Variants in GIT1 observed in about 807,000 individuals in gnomAD.
GIT1 encodes GIT ArfGAP 1, also known as ARF GTPase-activating protein GIT1.
GIT1 carries 14 observed loss-of-function variants against 91.7 expected under a neutral mutation model. The observed-to-expected ratio is 0.15, with a 90% CI of 0.10 to 0.24. The LOEUF (loss-of-function observed/expected upper bound fraction) is 0.24, where lower values mean the gene tolerates loss of function less well. Among genes scored for constraint, GIT1 ranks in the 10% least tolerant of loss-of-function variants. GIT1 has a pLI of 1.00. For missense variants in GIT1, 717 were observed against 1,024.9 expected, an observed-to-expected ratio of 0.70 and a Z score of 4.10; for synonymous variants, 414 against 418.2, an observed-to-expected ratio of 0.99 and a Z score of 0.12.
Position 29,576,893 on chromosome 17 carries a change from G to A in GIT1, c.1197C>T (p.Ser399=). 2 of 1,576,090 alleles carry A rather than the reference G, an allele frequency of 1.3e-6. No individual in the cohort carries two copies. The highest frequency in any genetic ancestry group is 1.7e-6 in the Non-Finnish European group (2 of 1,162,640). ...CCCGGTTGCTCCGAGTGGCGCCGGT[G>A]CTGCGCAGGGGCTCCTGGTCTGTGT... ...DEDTDQEPLR[S]TGATRSNRAR... is the part of the protein sequence containing the mutation. The change falls in exon 12 of 20, where the codon AGC becomes AGT. Residue 399 remains serine (S), a synonymous_variant. Coordinates refer to ENST00000225394, the MANE Select transcript of GIT1 (RefSeq NM_014030.4).
At chr17:29,579,007 A>C (rs767940805) in intron 7 of GIT1, 1 of 1,613,484 alleles carries the variant, frequency 6.2e-7, no homozygotes, top group South Asian at 1.1e-5. Context: ...AGAGGAAGGC[A>C]GCAGAGGGAA....
chr17:29,584,603 G>A (rs2033521046), intron 1 of GIT1, among the ~76,000 whole-genome samples: 1 of 152,332 alleles, frequency 6.6e-6, no homozygotes, highest in East Asian at 1.9e-4. Context: ...CCTGAGAGTG[G>A]GGGCAGGGCG....
chr17:29,575,398 T>C lies in GIT1; in HGVS notation c.1899A>G (p.Gly633=). The change falls in exon 18 of 20, where the codon GGA becomes GGG. Residue 633 remains glycine, a synonymous_variant. Coordinates refer to ENST00000225394, the MANE Select transcript of GIT1 (RefSeq NM_014030.4). The surrounding 1 kb of genome is among the most constrained non-coding windows in gnomAD (Gnocchi z 5.5). ...DFHPELESLD[G]DLDPGLPSTE... The stretch of plus-strand genomic sequence containing the variant: ...TGCTGGGAAGCCCAGGATCTAGGTC[T>C]CCATCCAGGCTTTCCAGCTCTGGGT... 6.2e-7 allele frequency: 1 copy of C among 1,613,558 alleles called. No homozygotes were observed. Among genetic ancestry groups the C allele is most frequent in the Non-Finnish European group, 8.5e-7 (1 of 1,179,692 alleles).
rs757272056 is a variant in GIT1 at position 29,589,386 on chromosome 17, G to C, written c.-8C>G. On this transcript the variant is annotated 5_prime_UTR_variant, in exon 1 of 20. Coordinates refer to ENST00000225394, the MANE Select transcript of GIT1 (RefSeq NM_014030.4). This position sits in a 1 kb window ranked among gnomAD's most constrained non-coding sequence, Gnocchi z 5.2. ...CGGCCCCTTTCGGGACATCCTCAGCGGCGACGCGGCCGCAGCCCTCTGGGC... is the reference window on the plus strand; with the variant it reads ...CGGCCCCTTTCGGGACATCCTCAGCCGCGACGCGGCCGCAGCCCTCTGGGC... The C allele has an allele frequency of 1.9e-6, 2 of 1,054,072 alleles. No homozygotes were observed. The highest frequency in any genetic ancestry group is 2.3e-6 in the Non-Finnish European group (2 of 866,982). 65.3% of individuals were successfully genotyped at this position (1,054,072 alleles called of 1,614,324 possible).
chr17:29,588,620 G>C (rs1011685131), intron 1 of GIT1, among the ~76,000 whole-genome samples: 17 of 152,126 alleles, frequency 1.1e-4, no homozygotes, highest in Non-Finnish European at 2.5e-4. Context: ...ACTTTCCCAA[G>C]CAGGCCTTAC....
intron 7 of GIT1, among the ~76,000 whole-genome samples, chr17:29,579,498 C>A (rs1400477093): frequency 6.6e-6 from 1 of 152,182 alleles, no homozygotes; most frequent in African/African-American, 2.4e-5. Flanking sequence ...GTAATCCTAG[C>A]ACTTTGGGAG....
chr17:29,589,330 G>T lies in GIT1; in HGVS notation c.49C>A (p.Pro17Thr). The change falls in exon 1 of 20, where the codon CCG becomes ACG. Residue 17 changes from proline to threonine, a missense_variant. By Grantham distance (38) the Pro-to-Thr change is conservative (BLOSUM62 -1). Coordinates refer to ENST00000225394, the MANE Select transcript of GIT1 (RefSeq NM_014030.4). The surrounding 1 kb of genome is among the most constrained non-coding windows in gnomAD (Gnocchi z 5.2). The part of the protein sequence containing the change: ...RAEVCADCSA[P>T]DPGWASISRG... Reference sequence around the variant, plus strand: ...CCCCCGGCCCCGCCGCGCTTACCCGGGGCGCTGCAGTCCGCACACACCTCC... The same window carrying T: ...CCCCCGGCCCCGCCGCGCTTACCCGTGGCGCTGCAGTCCGCACACACCTCC... The T allele has an allele frequency of 9.5e-7, 1 of 1,057,526 alleles. No homozygotes were observed. Among genetic ancestry groups the T allele is most frequent in the Non-Finnish European group, 1.1e-6 (1 of 872,260 alleles). The allele number at this position is 1,057,526 out of a possible 1,614,324, so 65.5% of individuals were successfully genotyped here.
chr17:29,579,114 G>C (rs960336692), intron 7 of GIT1: 17 of 803,544 alleles, frequency 2.1e-5, no homozygotes, highest in Non-Finnish European at 1.3e-5. Flanking sequence ...GCCCAGAAGG[G>C]ACAAAGCTGA....
chr17:29,577,342 T>A, intron 10 of GIT1, 95 bp from the exon 11 acceptor site: 1 of 961,448 alleles, frequency 1.0e-6, no homozygotes, highest in Non-Finnish European at 1.6e-6. Flanking sequence ...CTCTGCCATT[T>A]AATTTAACCC....
intron 14 of GIT1, 26 bp downstream of exon 14, chr17:29,576,194 C>T (rs889888542): frequency 1.1e-5 from 17 of 1,608,570 alleles, no homozygotes; most frequent in African/African-American, 2.7e-5. Context: ...CATCTCCCCA[C>T]ACCTTGAGAC....
chr17:29,586,727 G>C (rs976441791), intron 1 of GIT1, among the ~76,000 whole-genome samples: 1 of 152,244 alleles, frequency 6.6e-6, no homozygotes, highest in Non-Finnish European at 1.5e-5. Flanking sequence ...AAAAGGCTGA[G>C]ATAGAAGCCC....
At position 29,589,221 on chromosome 17, in the gene GIT1, CG is replaced by C; in HGVS notation, c.52+105del. 1.7e-4 allele frequency: 53 copies of C among 307,044 alleles called. No homozygotes were observed. The highest frequency in any genetic ancestry group is 2.4e-4 in the South Asian group (2 of 8,194). 19.0% of individuals were successfully genotyped at this position (307,044 alleles called of 1,614,324 possible). Reference sequence around the variant, plus strand: ...GCCCAGCCTGGAGGCCGCAGCCCCCCGCCCCGCCCAGCCCTCCGGCCCCGCA... The same window carrying C: ...GCCCAGCCTGGAGGCCGCAGCCCCCCCCCCGCCCAGCCCTCCGGCCCCGCA... On this transcript the variant is annotated intron_variant, in intron 1 of 19. Transcript: ENST00000225394. This position sits in a 1 kb window ranked among gnomAD's most constrained non-coding sequence, Gnocchi z 5.2.
rs1399757402 is a variant in GIT1 at position 29,575,377 on chromosome 17, G to A, written c.1920C>T (p.Pro640=). The A allele has an allele frequency of 6.2e-7, 1 of 1,613,338 alleles. No homozygotes were observed. Among genetic ancestry groups the A allele is most frequent in the Non-Finnish European group, 8.5e-7 (1 of 1,179,634 alleles). ...SLDGDLDPGL[P]STEDVILKTE... is the part of the protein sequence containing the mutation. Reference sequence around the variant, plus strand: ...TCTTCAAGATGACATCCTCTGTGCTGGGAAGCCCAGGATCTAGGTCTCCAT... The same window carrying A: ...TCTTCAAGATGACATCCTCTGTGCTAGGAAGCCCAGGATCTAGGTCTCCAT... Residue 640 remains proline (P), a synonymous_variant, in exon 18 of 20, where the codon CCC becomes CCT. Coordinates refer to ENST00000225394, the MANE Select transcript of GIT1 (RefSeq NM_014030.4). The surrounding 1 kb of genome is among the most constrained non-coding windows in gnomAD (Gnocchi z 5.5).
chr17:29,578,679 G>A lies in GIT1; in HGVS notation c.810+52C>T, dbSNP rs374133259. Reference sequence around the variant, plus strand: ...GAGGAAGCAAGAGCAGAGGGTGGGGGATCAGAGAGGGGCCAGCTTCAAGTG... The same window carrying A: ...GAGGAAGCAAGAGCAGAGGGTGGGGAATCAGAGAGGGGCCAGCTTCAAGTG... On this transcript the variant is annotated intron_variant, in intron 8 of 19. Transcript: ENST00000225394. The A allele has an allele frequency of 2.9e-4, 434 of 1,472,148 alleles. 2 individuals carry two copies. In the South Asian group the frequency reaches 4.5e-3, roughly 15 times the overall value. The allele number at this position is 1,472,148 out of a possible 1,614,324, so 91.2% of individuals were successfully genotyped here. A position where few individuals can be genotyped will look rare whatever the true frequency, so the allele number is the denominator to read the frequency against.
intron 1 of GIT1, among the ~76,000 whole-genome samples, chr17:29,584,447 A>G (rs2033513296): frequency 6.6e-6 from 1 of 152,222 alleles, no homozygotes; most frequent in African/African-American, 2.4e-5. Flanking sequence ...ACTTGGGAGA[A>G]GAAGCAGGGC....
chr17:29,580,766 GTTTC>G (rs1440007964), intron 7 of GIT1, among the ~76,000 whole-genome samples: 6 of 151,040 alleles, frequency 4.0e-5, no homozygotes, highest in Admixed American at 6.6e-5. Context: ...GGTAGCTTCT[GTTTC>G]TTTTTCTTTT....
At chr17:29,580,361 T>C (rs1466263383) in intron 7 of GIT1, among the ~76,000 whole-genome samples, 2 of 152,234 alleles carry the variant, frequency 1.3e-5, no homozygotes, top group Non-Finnish European at 2.9e-5. Context: ...GTTTAGGATC[T>C]GAGTCGCCCA....
chr17:29,579,640 G>A (rs2033329990), intron 7 of GIT1, among the ~76,000 whole-genome samples: 1 of 151,968 alleles, frequency 6.6e-6, no homozygotes, highest in Non-Finnish European at 1.5e-5. Context: ...AAGAGGCTAT[G>A]GTAGGAGGAT....
chr17:29,582,586 C>G (rs80071581), intron 4 of GIT1, 112 bp downstream of exon 4: 1 of 734,140 alleles, frequency 1.4e-6, no homozygotes. Context: ...GTTACCCTGA[C>G]CTGGCTGCCT....
Sources: allele counts gnomAD v4.1 joint callset (sites outside exome capture counted in the v4.1 genomes callset), GRCh38; gene constraint gnomAD v4.1.1; non-coding constraint Gnocchi (gnomAD v3.1); transcripts MANE v1.5; gene names NCBI Gene and HGNC (gene_info 2026-07-23, HGNC 2026-07-21).